Variants in OCA2 observed in about 807,000 individuals in gnomAD.
The protein encoded by OCA2 is OCA2 melanosomal transmembrane protein.
Under a neutral mutation model 100.2 loss-of-function variants are expected in OCA2, and 77 were observed. That is an observed-to-expected ratio of 0.77 (90% CI 0.64 to 0.93). OCA2 has a LOEUF of 0.93. Ranked by LOEUF, OCA2 falls within the 40% of genes least tolerant of loss-of-function variation. The pLI, the probability that OCA2 is intolerant of heterozygous loss-of-function variation, is 0.00. For synonymous variants in OCA2, 432 were observed against 439.2 expected, an observed-to-expected ratio of 0.98 and a Z score of 0.21; for missense variants, 1,062 against 1,089.1, an observed-to-expected ratio of 0.98 and a Z score of 0.35.
At chr15:27,794,087 CAGG>C (rs1025965241) in intron 23 of OCA2, among the ~76,000 whole-genome samples, 2 of 152,156 alleles carry the variant, frequency 1.3e-5, no homozygotes, top group Non-Finnish European at 2.9e-5. Flanking sequence ...ATCCTGCAAA[CAGG>C]AGGAGAAGAT....
intron 21 of OCA2, among the ~76,000 whole-genome samples, chr15:27,852,240 G>A (rs561187533): frequency 6.6e-6 from 1 of 152,284 alleles, no homozygotes; most frequent in South Asian, 2.1e-4. Context: ...TTTTGTATAA[G>A]GTGTAAGGAA....
intron 23 of OCA2, among the ~76,000 whole-genome samples, chr15:27,792,012 CTG>C (rs1404450078): frequency 1.3e-5 from 2 of 152,194 alleles, no homozygotes; most frequent in Non-Finnish European, 2.9e-5. Flanking sequence ...GAGCCCAAGA[CTG>C]TGTGTCTCCA....
At chr15:27,749,941 A>G (rs1489402242), downstream of OCA2, among the ~76,000 whole-genome samples, 1 of 152,242 alleles carries the variant, frequency 6.6e-6, no homozygotes, top group Non-Finnish European at 1.5e-5. Context: ...TGTGATTTCT[A>G]TCACATCAGG....
At chr15:28,007,962 C>A (rs1358734949) in intron 9 of OCA2, among the ~76,000 whole-genome samples, 1 of 152,166 alleles carries the variant, frequency 6.6e-6, no homozygotes, top group Non-Finnish European at 1.5e-5. Flanking sequence ...AAGTGCCCCC[C>A]ACGTAGGAGC....
In OCA2 at chr15:27,957,555, C is replaced by CT; in HGVS notation, c.1784+32_1784+33insA. ...GCCCATGGAATGTTCTGCTGCACAC[C>CT]AAGCACAGTCTGAGCAGGACCCCGC... On this transcript the variant is annotated intron_variant, in intron 16 of 23. Transcript: ENST00000354638. This position sits in a 1 kb window ranked among gnomAD's most constrained non-coding sequence, Gnocchi z 4.3. 1 of 1,610,960 alleles carries CT rather than the reference C, an allele frequency of 6.2e-7. No homozygotes were observed. The highest frequency in any genetic ancestry group is 8.5e-7 in the Non-Finnish European group (1 of 1,179,486).
At chr15:28,005,778 G>A (rs940534264) in intron 9 of OCA2, among the ~76,000 whole-genome samples, 2 of 152,166 alleles carry the variant, frequency 1.3e-5, no homozygotes, top group African/African-American at 4.8e-5. Flanking sequence ...ATATGCAAAT[G>A]GTCTGGGGGT....
At chr15:28,045,770 C>A (rs74007932) in intron 2 of OCA2, among the ~76,000 whole-genome samples, 5,132 of 152,294 alleles carry the variant, frequency 0.034, 254 homozygotes, top group African/African-American at 0.12. Flanking sequence ...TTCTCTCCAA[C>A]AAATACTTCT....
At chr15:27,820,601 G>A (rs1481639528) in intron 23 of OCA2, among the ~76,000 whole-genome samples, 1 of 152,218 alleles carries the variant, frequency 6.6e-6, no homozygotes, top group Non-Finnish European at 1.5e-5. Flanking sequence ...GAGATATGAT[G>A]ACAAAATGGG....
intron 23 of OCA2, among the ~76,000 whole-genome samples, chr15:27,812,260 A>G (rs915001869): frequency 6.6e-6 from 1 of 152,206 alleles, no homozygotes; most frequent in Non-Finnish European, 1.5e-5. Flanking sequence ...AAAATAAAGA[A>G]GAATACCTCT....
At chr15:28,091,887 C>T (rs142895008) in intron 1 of OCA2, among the ~76,000 whole-genome samples, 1,781 of 152,122 alleles carry the variant, frequency 0.012, 27 homozygotes, top group African/African-American at 0.041. Flanking sequence ...ATCCAGGAGG[C>T]GGAGGTTGGA....
At chr15:28,060,019 A>G (rs1028825764) in intron 2 of OCA2, among the ~76,000 whole-genome samples, 2 of 152,258 alleles carry the variant, frequency 1.3e-5, no homozygotes, top group African/African-American at 4.8e-5. Context: ...GGGCGAGCAC[A>G]CGCCGCATGC....
chr15:27,759,296 A>C (rs2030639174), intron 23 of OCA2, among the ~76,000 whole-genome samples: 1 of 152,200 alleles, frequency 6.6e-6, no homozygotes, highest in Non-Finnish European at 1.5e-5. Context: ...AAGTACTGCT[A>C]AGAAGGTCTT....
intron 21 of OCA2, among the ~76,000 whole-genome samples, chr15:27,870,146 G>A (rs2036487105): frequency 6.6e-6 from 1 of 152,210 alleles, no homozygotes; most frequent in Non-Finnish European, 1.5e-5. Context: ...CAGGCCTGCT[G>A]CTCCAGCCCG....
intron 9 of OCA2, among the ~76,000 whole-genome samples, chr15:27,997,140 A>AAGGAAG (rs1566776198): frequency 9.7e-4 from 34 of 35,142 alleles, no homozygotes; most frequent in African/African-American, 1.5e-3. Flanking sequence ...AGAAGGAAGG[A>AAGGAAG]AGAGAGAGAG....
At position 27,957,620 on chromosome 15, in the gene OCA2, G is replaced by A. The variant is rs151225947; in HGVS notation, c.1752C>T (p.His584=). 3.8e-3 allele frequency: 6,204 copies of A among 1,612,898 alleles called. 138 individuals are homozygous for A. In the Admixed American group the frequency reaches 0.055, roughly 14 times the overall value. ...AGGTGTGCAGCCTCCGGGCGAGCAG[G>A]TGCTCCAGTGCCAGCACCTTCCCCA... ...LLLGKVLALE[H]LLARRLHTFH... The change falls in exon 16 of 24, where the codon CAC becomes CAT. Residue 584 remains histidine (H), a synonymous_variant. Transcript: ENST00000354638. This position sits in a 1 kb window ranked among gnomAD's most constrained non-coding sequence, Gnocchi z 4.3.
chr15:28,054,798 T>G (rs2043636759), intron 2 of OCA2, among the ~76,000 whole-genome samples: 1 of 152,206 alleles, frequency 6.6e-6, no homozygotes, highest in South Asian at 2.1e-4. Flanking sequence ...GAGGTTTAAT[T>G]GACTCACAGT....
intron 12 of OCA2, 116 bp from the exon 13 acceptor site, chr15:27,985,304 T>C: frequency 7.9e-7 from 1 of 1,260,786 alleles, no homozygotes; most frequent in Non-Finnish European, 1.1e-6. Flanking sequence ...ACCCCATGGG[T>C]TAAGACATAG....
In OCA2 at chr15:27,883,501, T is replaced by C. The variant is rs532665748; in HGVS notation, c.2080-11579A>G. Among the ~76,000 whole-genome samples, 36 of 152,304 alleles carry C rather than the reference T, an allele frequency of 2.4e-4. No homozygotes were observed. The South Asian group carries it at 7.1e-3, about 30-fold the overall frequency. On this transcript the variant is annotated intron_variant, in intron 19 of 23. Transcript: ENST00000354638. ...TTAAAATAAATTAAGTCGGCTACTG[T>C]TCCTGTGTCCAATCCTCCCCAACTG... is the stretch of plus-strand genomic sequence containing the variant.
At chr15:27,726,159 G>A in the OCA2 span, among the ~76,000 whole-genome samples, 30 of 151,888 alleles carry the variant, frequency 2.0e-4, no homozygotes, top group Non-Finnish European at 3.2e-4. Flanking sequence ...ATAGCTGGGC[G>A]TGGTGGCACA....
Sources: allele counts gnomAD v4.1 joint callset (sites outside exome capture counted in the v4.1 genomes callset), GRCh38; gene constraint gnomAD v4.1.1; non-coding constraint Gnocchi (gnomAD v3.1); transcripts MANE v1.5; gene names NCBI Gene and HGNC (gene_info 2026-07-23, HGNC 2026-07-21).